Variants in IQCM observed in about 807,000 individuals in gnomAD.
The protein encoded by IQCM is IQ domain-containing protein M.
Under a neutral mutation model 57.6 loss-of-function variants are expected in IQCM, and 45 were observed. The ratio of observed to expected loss-of-function variants is 0.78; its 90% CI spans 0.62 to 1.00. The LOEUF (loss-of-function observed/expected upper bound fraction) is 1.00. Among genes scored for constraint, IQCM ranks in the 50% least tolerant of loss-of-function variants. IQCM has a pLI of 0.00. For synonymous variants in IQCM, 148 were observed against 158.9 expected (o/e 0.93, Z 0.51); for missense variants, 468 against 511.6 (o/e 0.91, Z 0.82).
rs564526799 is a variant in IQCM, at chr4:149,490,984, C to T, written c.1229-57427G>A. On this transcript the variant is annotated intron_variant, in intron 12 of 13. Coordinates refer to ENST00000636793, the MANE Select transcript of IQCM (RefSeq NM_001363507.2). Reference sequence around the variant, plus strand: ...TGGATGTATCATTTCCTATGGGACTCGCCTGGCCTCTTATGCTCATAAAGT... The same window carrying T: ...TGGATGTATCATTTCCTATGGGACTTGCCTGGCCTCTTATGCTCATAAAGT... 2.2e-3 allele frequency among the ~76,000 whole-genome samples: 337 copies of T among 152,128 alleles called. 2 individuals carry two copies. The highest frequency in any genetic ancestry group is 7.8e-3 in the African/African-American group (324 of 41,528).
chr4:149,781,706 G>T (rs980941916), intron 2 of IQCM, among the ~76,000 whole-genome samples: 1 of 152,158 alleles, frequency 6.6e-6, no homozygotes, highest in Non-Finnish European at 1.5e-5. Flanking sequence ...TCTGCTGGGG[G>T]TCTTGGAATG....
chr4:149,371,041 T>C (rs62338884), intron 13 of IQCM, among the ~76,000 whole-genome samples: 4 of 152,158 alleles, frequency 2.6e-5, no homozygotes, highest in Non-Finnish European at 5.9e-5. Context: ...TCGAATTTCC[T>C]TCTTTTAGAC....
At chr4:149,453,488 G>T (rs2111422297) in intron 12 of IQCM, among the ~76,000 whole-genome samples, 1 of 151,982 alleles carries the variant, frequency 6.6e-6, no homozygotes, top group East Asian at 1.9e-4. Flanking sequence ...TAATGGACTT[G>T]TATAAGGAAT....
intron 5 of IQCM, among the ~76,000 whole-genome samples, chr4:149,696,614 A>G (rs1409442459): frequency 6.6e-6 from 1 of 152,170 alleles, no homozygotes; most frequent in Non-Finnish European, 1.5e-5. Flanking sequence ...AATCTATTTA[A>G]TGGAACTCTT....
rs181161943 is a variant in IQCM, at chr4:149,596,953, A to G, written c.682-8956T>C. Among the ~76,000 whole-genome samples, 100 of 152,286 alleles carry G rather than the reference A, an allele frequency of 6.6e-4. 1 individual carries two copies. In the East Asian group the frequency reaches 7.5e-3, roughly 11 times the overall value. On this transcript the variant is annotated intron_variant, in intron 8 of 13. Coordinates refer to ENST00000636793, the MANE Select transcript of IQCM (RefSeq NM_001363507.2). ...AATCAGGAAATTCAGTAAACATGAG[A>G]AAGCAGCAATCAAGGAATCAGAACC... is the stretch of plus-strand genomic sequence containing the variant.
intron 5 of IQCM, among the ~76,000 whole-genome samples, chr4:149,726,844 T>C (rs1256955179): frequency 6.6e-6 from 1 of 151,968 alleles, no homozygotes; most frequent in East Asian, 1.9e-4. Flanking sequence ...TAGAGTGCAG[T>C]GGTGCAATCT....
At chr4:149,622,533 C>T (rs1344473971) in intron 7 of IQCM, among the ~76,000 whole-genome samples, 2 of 152,008 alleles carry the variant, frequency 1.3e-5, no homozygotes, top group South Asian at 2.1e-4. Flanking sequence ...TTAGTAGAGA[C>T]GGGGTTTCAC....
intron 13 of IQCM, among the ~76,000 whole-genome samples, chr4:149,388,046 C>T (rs1266730624): frequency 1.3e-5 from 2 of 151,978 alleles, no homozygotes; most frequent in African/African-American, 4.8e-5. Flanking sequence ...AACAATATTC[C>T]ATTATACAGA....
intron 7 of IQCM, among the ~76,000 whole-genome samples, chr4:149,637,258 G>T (rs1037569398): frequency 6.7e-6 from 1 of 149,122 alleles, no homozygotes; most frequent in African/African-American, 2.5e-5. Context: ...GAAACAATTA[G>T]AAAAATGTAA....
chr4:149,629,530 C>G (rs1006343388), intron 7 of IQCM, among the ~76,000 whole-genome samples: 2 of 151,958 alleles, frequency 1.3e-5, no homozygotes, highest in East Asian at 3.9e-4. Context: ...ATGGGAACAG[C>G]CTCTGGGTGT....
In IQCM at chr4:149,776,863, A is replaced by T. The variant is rs567608862; in HGVS notation, c.-48-34124T>A. 1.2e-4 allele frequency among the ~76,000 whole-genome samples: 18 copies of T among 147,284 alleles called. No homozygotes were observed. In the South Asian group the frequency reaches 3.1e-3, roughly 25 times the overall value. On this transcript the variant is annotated intron_variant, in intron 2 of 13. Coordinates refer to ENST00000636793, the MANE Select transcript of IQCM (RefSeq NM_001363507.2). Reference sequence around the variant, plus strand: ...AGAGTCTATAATAAAATAATAATAAAAAATCACTAAAAATTTTTAAAATTG... The same window carrying T: ...AGAGTCTATAATAAAATAATAATAATAAATCACTAAAAATTTTTAAAATTG...
chr4:149,650,411 T>G (rs568972224), intron 7 of IQCM, among the ~76,000 whole-genome samples: 126 of 151,224 alleles, frequency 8.3e-4, no homozygotes, highest in African/African-American at 2.8e-3. Context: ...TGGGTTTTTT[T>G]TTTTTTTTTT....
intron 5 of IQCM, among the ~76,000 whole-genome samples, chr4:149,715,661 T>C (rs945672316): frequency 6.6e-6 from 1 of 152,166 alleles, no homozygotes; most frequent in Admixed American, 6.5e-5. Flanking sequence ...TTGTCCCATG[T>C]CCAGGAAGAA....
intron 10 of IQCM, among the ~76,000 whole-genome samples, chr4:149,557,401 C>A (rs770649591): frequency 5.3e-5 from 8 of 152,252 alleles, no homozygotes; most frequent in Non-Finnish European, 8.8e-5. Flanking sequence ...CATCTCCATG[C>A]CTCATTTTTC....
chr4:149,481,701 G>GTTTTTTTTTTTTTTTTTTTGTT (rs1740841793), intron 12 of IQCM, among the ~76,000 whole-genome samples: 6 of 51,576 alleles, frequency 1.2e-4, no homozygotes, highest in African/African-American at 1.5e-4. Context: ...TTCCAGTTTT[G>GTTTTTTTTTTTTTTTTTTTGTT]TTTTTTTTTT....
At chr4:149,468,784 G>C (rs1739164543) in intron 12 of IQCM, among the ~76,000 whole-genome samples, 1 of 152,166 alleles carries the variant, frequency 6.6e-6, no homozygotes, top group South Asian at 2.1e-4. Context: ...AGCTTCCAAA[G>C]GAAGGATCAG....
chr4:149,753,417 T>C (rs1050875627), intron 2 of IQCM, among the ~76,000 whole-genome samples: 11 of 151,996 alleles, frequency 7.2e-5, no homozygotes, highest in African/African-American at 2.4e-4. Flanking sequence ...TAAATAAAAA[T>C]ACGTTCTTTC....
chr4:149,725,975 T>G (rs1765854810), intron 5 of IQCM, among the ~76,000 whole-genome samples: 1 of 151,930 alleles, frequency 6.6e-6, no homozygotes, highest in African/African-American at 2.4e-5. Context: ...GAATAGCTAT[T>G]CCTTTATTCT....
intron 12 of IQCM, among the ~76,000 whole-genome samples, chr4:149,449,052 A>C (rs2111387504): frequency 6.6e-6 from 1 of 151,804 alleles, no homozygotes; most frequent in African/African-American, 2.4e-5. Context: ...TCAAGAACAT[A>C]GATTTAAAAA....
Sources: allele counts gnomAD v4.1 joint callset (sites outside exome capture counted in the v4.1 genomes callset), GRCh38; gene constraint gnomAD v4.1.1; transcripts MANE v1.5; gene names NCBI Gene and HGNC (gene_info 2026-07-23, HGNC 2026-07-21).